The following ARHGEF33 variants were observed in gnomAD, a reference collection of about 807,000 sequenced individuals.
ARHGEF33 encodes the protein Rho guanine nucleotide exchange factor 33.
Under a neutral mutation model 101.9 loss-of-function variants are expected in ARHGEF33, and 72 were observed. That is an observed-to-expected ratio of 0.71 (90% CI 0.58 to 0.86). ARHGEF33 has a LOEUF of 0.86. ARHGEF33 is among the 40% of genes least tolerant of loss of function. ARHGEF33 has a pLI of 0.00. For missense variants in ARHGEF33, 1,169 were observed against 1,111.3 expected, an observed-to-expected ratio of 1.05 and a Z score of -0.74; for synonymous variants, 499 against 442.5, an observed-to-expected ratio of 1.13 and a Z score of -1.60.
At chr2:38,954,267 A>C (rs1210858493) in intron 12 of ARHGEF33, 106 bp from the exon 13 acceptor site, 14 of 681,894 alleles carry the variant, frequency 2.1e-5, no homozygotes, top group Non-Finnish European at 3.6e-5. Context: ...TCTGGGAAGA[A>C]AATGCTCTGG....
chr2:38,916,864 G>T (rs748685433), intron 2 of ARHGEF33, among the ~76,000 whole-genome samples: 1 of 149,754 alleles, frequency 6.7e-6, no homozygotes, highest in Non-Finnish European at 1.5e-5. Context: ...ACAATGGCAC[G>T]AGCTCAGCTC....
intron 1 of ARHGEF33, among the ~76,000 whole-genome samples, chr2:38,894,894 G>A (rs1465692930): frequency 1.3e-5 from 2 of 151,900 alleles, no homozygotes; most frequent in African/African-American, 4.8e-5. Context: ...GGCCTTACAT[G>A]GCCTCTTATA....
chr2:38,937,541 T>C lies in ARHGEF33; in HGVS notation c.772T>C (p.Cys258Arg), dbSNP rs1411094334. Residue 258 changes from cysteine to arginine, a missense_variant, in exon 9 of 18, where the codon TGT becomes CGT. Transcript: ENST00000409978. Reference protein sequence around the residue: ...GRHSSLENVLCETSLAAKRQT... With the variant: ...GRHSSLENVLRETSLAAKRQT... ...ACACAGCTCCTTGGAAAACGTTTTA[T>C]GTGAAACCTCCTTAGCTGGTAAGTT... The C allele has an allele frequency of 6.5e-7, 1 of 1,541,212 alleles. No individual in the cohort carries two copies.
intron 15 of ARHGEF33, among the ~76,000 whole-genome samples, chr2:38,958,976 C>T (rs1451318459): frequency 6.6e-6 from 1 of 152,214 alleles, no homozygotes; most frequent in Non-Finnish European, 1.5e-5. Flanking sequence ...AACTCCTGAC[C>T]TCAGGCGATC....
At position 38,960,491 on chromosome 2, in the gene ARHGEF33, G is replaced by A; in HGVS notation, c.2186G>A (p.Arg729His). Residue 729 changes from arginine to histidine, a missense_variant, in exon 16 of 18, where the codon CGC becomes CAC. Physicochemically the swap from Arg to His is conservative, Grantham distance 29. Transcript: ENST00000409978. Reference sequence around the variant, plus strand: ...GTGGCCCCACGCCTCTACAGCACGCGCAGCAGCAGCGGCGGCCGCGCGCCC... The same window carrying A: ...GTGGCCCCACGCCTCTACAGCACGCACAGCAGCAGCGGCGGCCGCGCGCCC... ...DGVAPRLYST[R>H]SSSGGRAPIK... is the part of the protein sequence containing the mutation. 2 of 1,374,190 alleles carry A rather than the reference G, an allele frequency of 1.5e-6. No homozygotes were observed. The highest frequency in any genetic ancestry group is 1.9e-6 in the Non-Finnish European group (2 of 1,064,772). 85.1% of individuals were successfully genotyped at this position (1,374,190 alleles called of 1,614,324 possible). A position where few individuals can be genotyped will look rare whatever the true frequency, so the allele number is the denominator to read the frequency against.
At chr2:38,920,399 T>C (rs1446849253) in intron 3 of ARHGEF33, among the ~76,000 whole-genome samples, 5 of 12,786 alleles carry the variant, frequency 3.9e-4, no homozygotes. Flanking sequence ...CTTTCTTTCC[T>C]TTTTTTTTTT....
chr2:38,973,466 C>T (rs1321241980), intron 17 of ARHGEF33, among the ~76,000 whole-genome samples: 4 of 152,118 alleles, frequency 2.6e-5, no homozygotes, highest in African/African-American at 9.7e-5. Context: ...TGTTATTACA[C>T]AATATCTTAC....
rs1434122479 is a variant in ARHGEF33, at chr2:38,943,249, A to G, written c.791-652A>G. The stretch of plus-strand genomic sequence containing the variant: ...GGCTGATAGCTGACCTCTTTGTGTC[A>G]GTGTCTGTGGATCTTTTTCCCTTGG... On this transcript the variant is annotated intron_variant, in intron 9 of 17. Coordinates refer to ENST00000409978, the MANE Select transcript of ARHGEF33 (RefSeq NM_001145451.5). 2.0e-5 allele frequency among the ~76,000 whole-genome samples: 3 copies of G among 152,144 alleles called. 1 individual carries two copies. Among genetic ancestry groups the G allele is most frequent in the Non-Finnish European group, 4.4e-5 (3 of 68,028 alleles).
At chr2:38,933,968 T>A (rs944562515) in intron 7 of ARHGEF33, among the ~76,000 whole-genome samples, 1 of 152,234 alleles carries the variant, frequency 6.6e-6, no homozygotes, top group Non-Finnish European at 1.5e-5. Context: ...GGCCCAAGTA[T>A]ACCTTACCTT....
At position 38,950,974 on chromosome 2, in the gene ARHGEF33, C is replaced by G. The variant is rs1285513080; in HGVS notation, c.921-15C>G. 6.4e-7 allele frequency: 1 copy of G among 1,550,942 alleles called. No homozygotes were observed. The highest frequency in any genetic ancestry group is 1.4e-5 in the African/African-American group (1 of 73,086). On this transcript the variant is annotated splice_polypyrimidine_tract_variant and intron_variant, in intron 10 of 17. Coordinates refer to ENST00000409978, the MANE Select transcript of ARHGEF33 (RefSeq NM_001145451.5). ...ACACCTTGTTTGTGTGATTCCGTCT[C>G]TATTCTGTTTCAAGCCTCTTCCCTG...
intron 17 of ARHGEF33, chr2:38,972,013 G>A (rs926271987): frequency 7.1e-6 from 5 of 706,850 alleles, no homozygotes; most frequent in African/African-American, 1.8e-5. Flanking sequence ...TAGACCAGAT[G>A]TAGCTAAGAG....
At chr2:38,902,208 G>A (rs941713024) in intron 2 of ARHGEF33, among the ~76,000 whole-genome samples, 2 of 151,740 alleles carry the variant, frequency 1.3e-5, no homozygotes, top group Non-Finnish European at 2.9e-5. Flanking sequence ...AGTATTAGCT[G>A]AGAACAGATT....
chr2:38,900,880 G>A (rs560768059), intron 2 of ARHGEF33, among the ~76,000 whole-genome samples: 1 of 152,298 alleles, frequency 6.6e-6, no homozygotes, highest in Non-Finnish European at 1.5e-5. Flanking sequence ...CTTCCTGGAG[G>A]AAGGGTGGAA....
intron 2 of ARHGEF33, among the ~76,000 whole-genome samples, chr2:38,898,410 G>A (rs1405354589): frequency 6.6e-6 from 1 of 152,100 alleles, no homozygotes; most frequent in Non-Finnish European, 1.5e-5. Context: ...AAGATGGATC[G>A]CTCACTCCTG....
At chr2:38,929,591 C>CTCATTCATTCAT in intron 5 of ARHGEF33, 118 bp from the exon 6 acceptor site, 1 of 798,848 alleles carries the variant, frequency 1.3e-6, no homozygotes. Context: ...TTTTTAATCT[C>CTCATTCATTCAT]TCATTCATTC....
In ARHGEF33 at chr2:38,958,069, C is replaced by T; in HGVS notation, c.1406C>T (p.Ser469Phe). The stretch of plus-strand genomic sequence containing the variant: ...GCGAAGCTGTACAAAGGGCTGGCTT[C>T]CCAGTGTGCCAATGCTGGGCAAGAT... ...SMAKLYKGLA[S>F]QCANAGQDAS... is the part of the protein sequence containing the mutation. The change falls in exon 15 of 18, where the codon TCC becomes TTC. Residue 469 changes from serine to phenylalanine, a missense_variant. Physicochemically the swap from Ser to Phe is radical, Grantham distance 155. Coordinates refer to ENST00000409978, the MANE Select transcript of ARHGEF33 (RefSeq NM_001145451.5). 6.4e-7 allele frequency: 1 copy of T among 1,552,202 alleles called. No individual in the cohort carries two copies. The highest frequency in any genetic ancestry group is 8.7e-7 in the Non-Finnish European group (1 of 1,147,106).
At chr2:38,947,877 G>A (rs910776520) in intron 10 of ARHGEF33, among the ~76,000 whole-genome samples, 5 of 152,094 alleles carry the variant, frequency 3.3e-5, no homozygotes, top group Admixed American at 2.0e-4. Context: ...CAGGGTGGCG[G>A]GAACCTGCTA....
chr2:38,918,017 G>T (rs796513417), intron 2 of ARHGEF33, among the ~76,000 whole-genome samples: 10 of 152,216 alleles, frequency 6.6e-5, no homozygotes, highest in African/African-American at 2.2e-4. Flanking sequence ...TTTCAATCAG[G>T]TTTCTTAGTT....
chr2:38,941,552 CTT>C (rs532096844), intron 9 of ARHGEF33, among the ~76,000 whole-genome samples: 5 of 144,248 alleles, frequency 3.5e-5, no homozygotes, highest in Admixed American at 1.4e-4. Context: ...TTTTCTTTTT[CTT>C]TTTTTTTTTT....
Sources: gnomAD v4.1 joint callset for allele counts (sites outside exome capture counted in the v4.1 genomes callset) on GRCh38, gnomAD v4.1.1 for gene constraint, MANE v1.5 for transcripts, NCBI Gene and HGNC (gene_info 2026-07-23, HGNC 2026-07-21) for gene names.